The following GRIK2 variants were observed in gnomAD, a reference collection of about 807,000 sequenced individuals.
GRIK2 encodes glutamate receptor ionotropic, kainate 2.
Under a neutral mutation model 100.3 loss-of-function variants are expected in GRIK2, and 32 were observed. The ratio of observed to expected loss-of-function variants is 0.32; its 90% confidence interval spans 0.24 to 0.43. The LOEUF is 0.43. GRIK2 is among the 20% of genes least tolerant of loss of function. The pLI is 1.00. For synonymous variants in GRIK2, 417 were observed against 389.4 expected, an observed-to-expected ratio of 1.07 and a Z score of -0.83; for missense variants, 843 against 1,114.9, an observed-to-expected ratio of 0.76 and a Z score of 3.47.
At chr6:101,476,128 A>G (rs527902669) in intron 2 of GRIK2, among the ~76,000 whole-genome samples, 4 of 152,088 alleles carry the variant, frequency 2.6e-5, no homozygotes, top group Non-Finnish European at 5.9e-5. Flanking sequence ...TATCAAATGC[A>G]CAACTAATCT....
At chr6:102,047,508 G>A (rs1209364377) in intron 15 of GRIK2, among the ~76,000 whole-genome samples, 5 of 152,048 alleles carry the variant, frequency 3.3e-5, no homozygotes, top group Non-Finnish European at 5.9e-5. Flanking sequence ...TCAGTACTTT[G>A]GGAGGCCGAG....
chr6:101,662,288 A>T (rs892545706), intron 4 of GRIK2, among the ~76,000 whole-genome samples: 5 of 152,332 alleles, frequency 3.3e-5, no homozygotes, highest in Middle Eastern at 3.4e-3. Flanking sequence ...GAAAATAATG[A>T]AACAGAAACA....
intron 7 of GRIK2, among the ~76,000 whole-genome samples, chr6:101,733,266 T>G (rs955147805): frequency 6.6e-6 from 1 of 152,244 alleles, no homozygotes; most frequent in Admixed American, 6.5e-5. Context: ...TGAGAAAAAT[T>G]TCCTTTTTAT....
intron 12 of GRIK2, among the ~76,000 whole-genome samples, chr6:101,921,586 T>C (rs560547767): frequency 3.7e-4 from 56 of 152,010 alleles, no homozygotes; most frequent in Non-Finnish European, 1.9e-4. Context: ...TGATTTAGCT[T>C]AAAAAAATAA....
chr6:102,053,009 A>G (rs1232335732), intron 15 of GRIK2, among the ~76,000 whole-genome samples: 1 of 151,950 alleles, frequency 6.6e-6, no homozygotes, highest in Non-Finnish European at 1.5e-5. Context: ...CAGAGGTTGC[A>G]GTGAGCCAAG....
chr6:101,799,819 G>A lies in GRIK2; in HGVS notation c.1095+28G>A, dbSNP rs760014151. On this transcript the variant is annotated intron_variant, in intron 8 of 16. Transcript: ENST00000369134. ...AAGTTAGGAGAAGAACATCTGCCTTGTCTCTTTTGTTGTCAAGCTGAATGA... is the reference window on the plus strand; with the variant it reads ...AAGTTAGGAGAAGAACATCTGCCTTATCTCTTTTGTTGTCAAGCTGAATGA... 6 of 1,581,270 alleles carry A rather than the reference G, an allele frequency of 3.8e-6. No individual in the cohort carries two copies. In the Admixed American group the frequency reaches 1.0e-4, roughly 27 times the overall value.
At chr6:101,900,706 A>C (rs1787790565) in intron 12 of GRIK2, among the ~76,000 whole-genome samples, 1 of 152,092 alleles carries the variant, frequency 6.6e-6, no homozygotes, top group Non-Finnish European at 1.5e-5. Context: ...GATGTTATAA[A>C]AATTATTTTT....
At chr6:101,900,379 G>A (rs1390403867) in intron 12 of GRIK2, among the ~76,000 whole-genome samples, 2 of 152,056 alleles carry the variant, frequency 1.3e-5, no homozygotes, top group African/African-American at 2.4e-5. Context: ...CAGGAGAATC[G>A]CTTGAACCTG....
intron 2 of GRIK2, among the ~76,000 whole-genome samples, chr6:101,469,079 G>A (rs915405838): frequency 2.6e-5 from 4 of 152,082 alleles, no homozygotes; most frequent in Non-Finnish European, 4.4e-5. Context: ...AAGATTCTCA[G>A]CCTGAATGAG....
chr6:101,402,667 C>T (rs911184186), intron 2 of GRIK2, among the ~76,000 whole-genome samples: 3 of 152,162 alleles, frequency 2.0e-5, no homozygotes, highest in African/African-American at 4.8e-5. Flanking sequence ...GCCCACCCGG[C>T]GGGCAAGGTG....
At chr6:101,736,128 G>T (rs1253815332) in intron 7 of GRIK2, among the ~76,000 whole-genome samples, 1 of 152,182 alleles carries the variant, frequency 6.6e-6, no homozygotes, top group East Asian at 1.9e-4. Context: ...GGGTTCCCAT[G>T]GTCTTAGGTA....
At chr6:101,676,371 G>T (rs1369086008) in intron 4 of GRIK2, among the ~76,000 whole-genome samples, 1 of 152,002 alleles carries the variant, frequency 6.6e-6, no homozygotes, top group Non-Finnish European at 1.5e-5. Context: ...AATAACAGAG[G>T]ATATGGAATT....
At chr6:101,586,716 AT>A (rs904786348) in intron 2 of GRIK2, among the ~76,000 whole-genome samples, 9 of 137,260 alleles carry the variant, frequency 6.6e-5, no homozygotes, top group African/African-American at 2.6e-4. Flanking sequence ...TAAAAATAAA[AT>A]TAAAAAAAAA....
chr6:101,522,623 G>A (rs1312722668), intron 2 of GRIK2, among the ~76,000 whole-genome samples: 1 of 152,106 alleles, frequency 6.6e-6, no homozygotes, highest in East Asian at 1.9e-4. Flanking sequence ...TCAAGAAGAA[G>A]AAGGTTGGTG....
chr6:101,823,764 G>A (rs1438125250), intron 10 of GRIK2, among the ~76,000 whole-genome samples: 1 of 151,862 alleles, frequency 6.6e-6, no homozygotes, highest in African/African-American at 2.4e-5. Context: ...TTAGCTATGG[G>A]AAGTATCAGG....
intron 2 of GRIK2, among the ~76,000 whole-genome samples, chr6:101,517,520 T>A (rs1420652961): frequency 7.4e-6 from 1 of 134,764 alleles, no homozygotes; most frequent in South Asian, 2.5e-4. Flanking sequence ...TTGAGATAAT[T>A]AATTTTTTTT....
chr6:101,446,925 G>A (rs1390114886), intron 2 of GRIK2, among the ~76,000 whole-genome samples: 1 of 147,458 alleles, frequency 6.8e-6, no homozygotes, highest in Non-Finnish European at 1.5e-5. Flanking sequence ...CTTTGTACGT[G>A]TATATATAAT....
intron 4 of GRIK2, among the ~76,000 whole-genome samples, chr6:101,641,749 A>G (rs1781284852): frequency 6.6e-6 from 1 of 151,978 alleles, no homozygotes; most frequent in Admixed American, 6.6e-5. Flanking sequence ...CTTTTACACT[A>G]TTGAAAAAGG....
intron 14 of GRIK2, among the ~76,000 whole-genome samples, chr6:101,961,457 C>T (rs1792294874): frequency 6.6e-6 from 1 of 152,064 alleles, no homozygotes; most frequent in African/African-American, 2.4e-5. Flanking sequence ...ATGCCAACGC[C>T]CCCCACGAAA....
Sources: gnomAD v4.1 joint callset for allele counts (sites outside exome capture counted in the v4.1 genomes callset) on GRCh38, gnomAD v4.1.1 for gene constraint, MANE v1.5 for transcripts, NCBI Gene and HGNC (gene_info 2026-07-23, HGNC 2026-07-21) for gene names.